WASF2: variants seen among roughly 807,000 people sequenced by gnomAD.
WASF2 encodes the protein WASP family member 2, also known as actin-binding protein WASF2.
Under a neutral mutation model 45.0 loss-of-function variants are expected in WASF2, and 14 were observed. The ratio of observed to expected loss-of-function variants is 0.31; its 90% CI spans 0.21 to 0.49. WASF2 has a LOEUF of 0.49. Ranked by LOEUF, WASF2 falls within the 20% of genes least tolerant of loss-of-function variation. The pLI is 0.99. For missense variants in WASF2, 439 were observed against 636.1 expected, an observed-to-expected ratio of 0.69 and a Z score of 3.33; for synonymous variants, 200 against 236.3, an observed-to-expected ratio of 0.85 and a Z score of 1.41.
chr1:27,442,740 T>C (rs1424826780), intron 1 of WASF2, among the ~76,000 whole-genome samples: 1 of 151,154 alleles, frequency 6.6e-6, no homozygotes, highest in Admixed American at 6.6e-5. Flanking sequence ...TGGTGGCTCA[T>C]ACCCATAATC....
chr1:27,443,077 T>C (rs982110030), intron 1 of WASF2, among the ~76,000 whole-genome samples: 3 of 148,300 alleles, frequency 2.0e-5, no homozygotes, highest in East Asian at 2.0e-4. Flanking sequence ...GATGGGGGGA[T>C]TGCCTGAGCC....
At chr1:27,458,069 G>A (rs952163268) in intron 1 of WASF2, among the ~76,000 whole-genome samples, 1 of 151,928 alleles carries the variant, frequency 6.6e-6, no homozygotes, top group African/African-American at 2.4e-5. Context: ...CAGCACTTTG[G>A]GAGGCCGAGA....
At chr1:27,466,244 T>C (rs9438571) in intron 1 of WASF2, among the ~76,000 whole-genome samples, 36,067 of 152,108 alleles carry the variant, frequency 0.24, 7,207 homozygotes, top group African/African-American at 0.54. Flanking sequence ...GTATTCCAGA[T>C]GATAAACAAC....
At chr1:27,453,609 A>G (rs1375620574) in intron 1 of WASF2, among the ~76,000 whole-genome samples, 146 of 76,490 alleles carry the variant, frequency 1.9e-3, no homozygotes, top group African/African-American at 6.4e-3. Context: ...AAAAAAAAAA[A>G]GGGCCAAGCG....
In WASF2 at chr1:27,430,127, T is replaced by C. The variant is rs969868709; in HGVS notation, c.-43-1194A>G. Among the ~76,000 whole-genome samples, 7 of 152,234 alleles carry C rather than the reference T, an allele frequency of 4.6e-5. No individual in the cohort carries two copies. The East Asian group carries it at 1.2e-3, about 25-fold the overall frequency. ...TCAGGTTCATGCTGAGCTATTGTTTTAGATTTAGATTACCGAATTCCTAGT... is the reference window on the plus strand; with the variant it reads ...TCAGGTTCATGCTGAGCTATTGTTTCAGATTTAGATTACCGAATTCCTAGT... On this transcript the variant is annotated intron_variant, in intron 1 of 8. Transcript: ENST00000618852.
At chr1:27,440,653 A>T (rs1405577127) in intron 1 of WASF2, among the ~76,000 whole-genome samples, 1 of 152,188 alleles carries the variant, frequency 6.6e-6, no homozygotes, top group Non-Finnish European at 1.5e-5. Context: ...ATTCACAGGC[A>T]CAATCATAGT....
intron 2 of WASF2, among the ~76,000 whole-genome samples, chr1:27,419,350 G>A (rs1207331371): frequency 6.6e-6 from 1 of 152,202 alleles, no homozygotes; most frequent in Non-Finnish European, 1.5e-5. Context: ...AAAACAGGCT[G>A]AATAAAACTG....
chr1:27,443,027 G>A (rs998573790), intron 1 of WASF2, among the ~76,000 whole-genome samples: 20 of 150,254 alleles, frequency 1.3e-4, no homozygotes, highest in Non-Finnish European at 1.9e-4. Flanking sequence ...AGCCAGGCAC[G>A]GTGCCGAAAA....
intron 1 of WASF2, among the ~76,000 whole-genome samples, chr1:27,474,913 C>T (rs1411938043): frequency 6.6e-6 from 1 of 152,132 alleles, no homozygotes; most frequent in African/African-American, 2.4e-5. Flanking sequence ...GATCGCACCA[C>T]TGCACTCCAG....
At chr1:27,471,302 G>A (rs2017685063) in intron 1 of WASF2, among the ~76,000 whole-genome samples, 1 of 137,924 alleles carries the variant, frequency 7.3e-6, no homozygotes, top group Non-Finnish European at 1.5e-5. Flanking sequence ...CCGAGATCCC[G>A]CCACTGCACT....
At chr1:27,451,072 T>A (rs1315128255) in intron 1 of WASF2, among the ~76,000 whole-genome samples, 1 of 152,016 alleles carries the variant, frequency 6.6e-6, no homozygotes, top group Non-Finnish European at 1.5e-5. Context: ...AGCATACATA[T>A]ATATTGTCTT....
chr1:27,420,800 T>A (rs913163347), intron 2 of WASF2, among the ~76,000 whole-genome samples: 1 of 151,990 alleles, frequency 6.6e-6, no homozygotes, highest in Non-Finnish European at 1.5e-5. Flanking sequence ...TGGGATTACA[T>A]GCATGAGCCA....
In WASF2 at chr1:27,414,746, G is replaced by T. The variant is rs2016805620; in HGVS notation, c.668+87C>A. ...AAGCCACAGAGACAGACTTCAGGGG[G>T]TGTGAAAGGTGTCACACCAGAGCTG... On this transcript the variant is annotated intron_variant, in intron 6 of 8. Transcript: ENST00000618852. This position sits in a 1 kb window ranked among gnomAD's most constrained non-coding sequence, Gnocchi z 4.1. 2.0e-6 allele frequency: 3 copies of T among 1,529,338 alleles called. No homozygotes were observed. The highest frequency in any genetic ancestry group is 2.7e-6 in the Non-Finnish European group (3 of 1,129,482). 94.7% of individuals were successfully genotyped at this position (1,529,338 alleles called of 1,614,324 possible). A position where few individuals can be genotyped will look rare whatever the true frequency, so the allele number is the denominator to read the frequency against.
intron 2 of WASF2, among the ~76,000 whole-genome samples, chr1:27,428,110 T>C (rs1347699221): frequency 6.6e-6 from 1 of 152,214 alleles, no homozygotes; most frequent in East Asian, 1.9e-4. Flanking sequence ...TAAGGAAGAA[T>C]GGCTCCAGCT....
At chr1:27,479,081 T>C (rs2017811031) in intron 1 of WASF2, among the ~76,000 whole-genome samples, 1 of 151,696 alleles carries the variant, frequency 6.6e-6, no homozygotes, top group South Asian at 2.1e-4. Context: ...GGTCAGGAGT[T>C]CAAGACCACC....
intron 1 of WASF2, among the ~76,000 whole-genome samples, chr1:27,482,542 T>C (rs2017865730): frequency 6.6e-6 from 1 of 152,204 alleles, no homozygotes; most frequent in Non-Finnish European, 1.5e-5. Flanking sequence ...TCATGCAAGG[T>C]AGGTAGTAAT....
At chr1:27,432,647 C>CAAAAAAAAA (rs558826790) in intron 1 of WASF2, among the ~76,000 whole-genome samples, 2 of 51,386 alleles carry the variant, frequency 3.9e-5, no homozygotes, top group Non-Finnish European at 6.3e-5. Context: ...AACTCTGTCT[C>CAAAAAAAAA]AAAAAAAAAA....
chr1:27,448,211 C>T (rs1422138727), intron 1 of WASF2, among the ~76,000 whole-genome samples: 1 of 152,222 alleles, frequency 6.6e-6, no homozygotes, highest in Non-Finnish European at 1.5e-5. Context: ...AATTAAGTTC[C>T]TTTCCTATTC....
chr1:27,406,543 CTT>C lies in WASF2; in HGVS notation c.*1644_*1645del, dbSNP rs1444313715. ...CTGGGTAGGGACAGATCCTGTTTCTCTTTGTTTCAGGGCTCTGAAAGCCGGAG... is the reference window on the plus strand; with the variant it reads ...CTGGGTAGGGACAGATCCTGTTTCTCTGTTTCAGGGCTCTGAAAGCCGGAG... On this transcript the variant is annotated 3_prime_UTR_variant, in exon 9 of 9. Coordinates refer to ENST00000618852, the MANE Select transcript of WASF2 (RefSeq NM_006990.5). The C allele has an allele frequency of 1.3e-5, 2 of 152,668 alleles. No individual in the cohort carries two copies. The highest frequency in any genetic ancestry group is 2.9e-5 in the Non-Finnish European group (2 of 68,060). The allele number at this position is 152,668 out of a possible 1,614,324, so 9.5% of individuals were successfully genotyped here.
Sources: gnomAD v4.1 joint callset for allele counts (sites outside exome capture counted in the v4.1 genomes callset) on GRCh38, gnomAD v4.1.1 for gene constraint, Gnocchi (gnomAD v3.1) non-coding constraint, MANE v1.5 for transcripts, NCBI Gene and HGNC (gene_info 2026-07-23, HGNC 2026-07-21) for gene names.